Variants in STK38L observed in about 807,000 individuals in gnomAD.
The protein encoded by STK38L is serine/threonine kinase 38 like.
Under a neutral mutation model 59.7 loss-of-function variants are expected in STK38L, and 28 were observed. The ratio of observed to expected loss-of-function variants is 0.47; its 90% CI spans 0.35 to 0.64. The LOEUF (loss-of-function observed/expected upper bound fraction) is 0.64, where lower values mean the gene tolerates loss of function less well. Ranked by LOEUF, STK38L falls within the 30% of genes least tolerant of loss-of-function variation. The probability of loss-of-function intolerance (pLI) is 0.01; values close to 1 mark genes in which losing one functional copy is unlikely to be tolerated. For synonymous variants in STK38L, 162 were observed against 176.8 expected (o/e 0.92, Z 0.66); for missense variants, 314 against 555.8 (o/e 0.56, Z 4.37).
intron 1 of STK38L, among the ~76,000 whole-genome samples, chr12:27,277,181 G>T (rs1394260358): frequency 6.6e-6 from 1 of 152,106 alleles, no homozygotes; most frequent in Non-Finnish European, 1.5e-5. Context: ...AGGCATGTGT[G>T]TGAAAACTTC....
chr12:27,251,066 T>C (rs1349188171), intron 1 of STK38L, among the ~76,000 whole-genome samples: 1 of 152,012 alleles, frequency 6.6e-6, no homozygotes, highest in African/African-American at 2.4e-5. Context: ...TGCATTATTT[T>C]ACTACAAAAA....
At chr12:27,245,082 T>C (rs1016688032) in intron 1 of STK38L, among the ~76,000 whole-genome samples, 2 of 152,158 alleles carry the variant, frequency 1.3e-5, no homozygotes, top group African/African-American at 4.8e-5. Flanking sequence ...TCAAAACCAG[T>C]GGCCTCCCCT....
chr12:27,273,439 C>CT (rs1472508963), intron 1 of STK38L, among the ~76,000 whole-genome samples: 1 of 151,996 alleles, frequency 6.6e-6, no homozygotes, highest in Non-Finnish European at 1.5e-5. Flanking sequence ...ATACACATCT[C>CT]TGAGCCCATT....
intron 5 of STK38L, among the ~76,000 whole-genome samples, chr12:27,311,575 A>C (rs1194874631): frequency 6.6e-6 from 1 of 152,148 alleles, no homozygotes; most frequent in Non-Finnish European, 1.5e-5. Flanking sequence ...CAACCCCATA[A>C]ATTATCCAGT....
At chr12:27,270,354 T>C (rs1943397873) in intron 1 of STK38L, among the ~76,000 whole-genome samples, 1 of 152,088 alleles carries the variant, frequency 6.6e-6, no homozygotes, top group African/African-American at 2.4e-5. Flanking sequence ...TCTACCAGTG[T>C]GCCACCACAC....
chr12:27,245,261 C>T (rs1248135702), intron 1 of STK38L, among the ~76,000 whole-genome samples: 7 of 152,154 alleles, frequency 4.6e-5, no homozygotes, highest in Non-Finnish European at 8.8e-5. Flanking sequence ...AGAACCAACA[C>T]TTTTACCCAT....
At chr12:27,300,950 T>C (rs966979219) in intron 2 of STK38L, among the ~76,000 whole-genome samples, 1 of 152,254 alleles carries the variant, frequency 6.6e-6, no homozygotes, top group African/African-American at 2.4e-5. Flanking sequence ...TTAACCCTTA[T>C]ACCCATTCAG....
intron 3 of STK38L, among the ~76,000 whole-genome samples, chr12:27,305,198 C>G (rs1944280111): frequency 6.6e-6 from 1 of 152,226 alleles, no homozygotes; most frequent in Admixed American, 6.5e-5. Flanking sequence ...CAATCACCTG[C>G]TTTTGAAAAA....
intron 1 of STK38L, among the ~76,000 whole-genome samples, chr12:27,264,655 C>G (rs372541129): frequency 1.3e-5 from 2 of 152,122 alleles, no homozygotes; most frequent in East Asian, 1.9e-4. Context: ...ATTTATGTAG[C>G]ATTTACATCA....
intron 1 of STK38L, among the ~76,000 whole-genome samples, chr12:27,294,485 C>G (rs2136636294): frequency 7.4e-6 from 1 of 135,618 alleles, no homozygotes. Context: ...CCAGCCTGGG[C>G]AACAGAGTGA....
At chr12:27,295,984 A>T (rs1944010276) in intron 1 of STK38L, among the ~76,000 whole-genome samples, 1 of 152,310 alleles carries the variant, frequency 6.6e-6, no homozygotes, top group African/African-American at 2.4e-5. Context: ...TCAGATAAGG[A>T]TAGAAAATAT....
intron 1 of STK38L, among the ~76,000 whole-genome samples, chr12:27,263,185 A>G (rs1943237700): frequency 6.6e-6 from 1 of 152,052 alleles, no homozygotes; most frequent in African/African-American, 2.4e-5. Flanking sequence ...CTTTTTGAAG[A>G]CTCTTAAGGA....
intron 7 of STK38L, 55 bp downstream of exon 7, chr12:27,314,713 G>T: frequency 6.6e-7 from 1 of 1,514,938 alleles, no homozygotes; most frequent in Non-Finnish European, 8.8e-7. Context: ...TAGAGCAGTA[G>T]GGCTGATTTT....
At chr12:27,294,034 T>C (rs187399091) in intron 1 of STK38L, among the ~76,000 whole-genome samples, 1 of 152,340 alleles carries the variant, frequency 6.6e-6, no homozygotes, top group Admixed American at 6.5e-5. Flanking sequence ...TGCTCTTTAA[T>C]GGTACTTTTA....
intron 1 of STK38L, among the ~76,000 whole-genome samples, chr12:27,281,083 T>TG (rs2136626067): frequency 1.2e-4 from 1 of 8,088 alleles, no homozygotes; most frequent in Non-Finnish European, 2.8e-4. Flanking sequence ...TTTTTTTTTT[T>TG]TTTTTTTTTT....
chr12:27,244,755 G>C (rs558776406), intron 1 of STK38L, among the ~76,000 whole-genome samples: 1 of 152,312 alleles, frequency 6.6e-6, no homozygotes, highest in Non-Finnish European at 1.5e-5. Context: ...CTCTTCAATT[G>C]TGGGGGCTGT....
intron 1 of STK38L, among the ~76,000 whole-genome samples, chr12:27,271,824 C>T (rs976650642): frequency 1.3e-5 from 2 of 152,242 alleles, no homozygotes; most frequent in African/African-American, 2.4e-5. Context: ...CTCAGCCTCC[C>T]GAGTAGCTGG....
intron 3 of STK38L, among the ~76,000 whole-genome samples, chr12:27,302,875 C>T (rs1045854929): frequency 4.0e-5 from 6 of 151,626 alleles, no homozygotes; most frequent in Middle Eastern, 3.4e-3. Context: ...TAGCCAGGAG[C>T]GGTGGCAGGC....
At chr12:27,253,499 A>G (rs534657234) in intron 1 of STK38L, among the ~76,000 whole-genome samples, 1 of 152,300 alleles carries the variant, frequency 6.6e-6, no homozygotes, top group South Asian at 2.1e-4. Flanking sequence ...TAAAGTACAT[A>G]CCGTGTGCCA....
Sources: allele counts gnomAD v4.1 joint callset (sites outside exome capture counted in the v4.1 genomes callset), GRCh38; gene constraint gnomAD v4.1.1; transcripts MANE v1.5; gene names NCBI Gene and HGNC (gene_info 2026-07-23, HGNC 2026-07-21).